Variants in PIBF1 observed in about 807,000 individuals in gnomAD.
PIBF1 encodes progesterone immunomodulatory binding factor 1, also known as progesterone-induced-blocking factor 1.
In PIBF1, 90 loss-of-function variants were observed where a neutral mutation model predicts 112.5. The ratio of observed to expected loss-of-function variants is 0.80; its 90% CI spans 0.67 to 0.95. The LOEUF (loss-of-function observed/expected upper bound fraction) is 0.95, where lower values mean the gene tolerates loss of function less well. Among genes scored for constraint, PIBF1 ranks in the 40% least tolerant of loss-of-function variants. The probability of loss-of-function intolerance (pLI) is 0.00; values close to 1 mark genes in which losing one functional copy is unlikely to be tolerated. For synonymous variants in PIBF1, 301 were observed against 288.6 expected (o/e 1.04, Z -0.44); for missense variants, 915 against 852.3 (o/e 1.07, Z -0.92).
chr13:73,013,257 C>T (rs1316075440), intron 17 of PIBF1, among the ~76,000 whole-genome samples: 5 of 141,496 alleles, frequency 3.5e-5, no homozygotes, highest in African/African-American at 5.3e-5. Flanking sequence ...GCCGAGATCG[C>T]GCCACTGCAC....
At chr13:72,827,995 T>A in intron 8 of PIBF1, 81 bp downstream of exon 8, 1 of 915,020 alleles carries the variant, frequency 1.1e-6, no homozygotes, top group Non-Finnish European at 1.5e-6. Flanking sequence ...TTGGGGAAGA[T>A]TTAGTGATTT....
chr13:72,865,182 C>A (rs1451245064), intron 10 of PIBF1, among the ~76,000 whole-genome samples: 1 of 151,960 alleles, frequency 6.6e-6, no homozygotes, highest in Non-Finnish European at 1.5e-5. Flanking sequence ...TATGATGTAT[C>A]CTAGATAATA....
At position 72,827,066 on chromosome 13, in the gene PIBF1, T is replaced by G; in HGVS notation, c.863T>G (p.Leu288Arg). ...VIELRRKHEI[L>R]EASHMIQTKE... ...GAGCTTAGGAGAAAACATGAAATACTTGAAGCCTCTCACATGATTCAAACA... is the reference window on the plus strand; with the variant it reads ...GAGCTTAGGAGAAAACATGAAATACGTGAAGCCTCTCACATGATTCAAACA... The change falls in exon 7 of 18, where the codon CTT (leucine) becomes CGT (arginine). Residue 288 changes from leucine (L) to arginine (R), a missense_variant. By Grantham distance (102) the Leu-to-Arg change is moderately radical. Coordinates refer to ENST00000326291, the MANE Select transcript of PIBF1 (RefSeq NM_006346.4). The G allele has an allele frequency of 6.2e-7, 1 of 1,606,202 alleles. No homozygotes were observed. Among genetic ancestry groups the G allele is most frequent in the Non-Finnish European group, 8.5e-7 (1 of 1,176,158 alleles).
intron 14 of PIBF1, among the ~76,000 whole-genome samples, chr13:72,960,470 A>C (rs911979976): frequency 6.6e-6 from 1 of 152,222 alleles, no homozygotes; most frequent in African/African-American, 2.4e-5. Flanking sequence ...ATTGAACTAA[A>C]ATAATTGAGA....
intron 14 of PIBF1, among the ~76,000 whole-genome samples, chr13:72,954,418 A>G (rs192395050): frequency 1.3e-5 from 2 of 152,308 alleles, no homozygotes; most frequent in African/African-American, 4.8e-5. Context: ...TCCACTTAAA[A>G]TCATATTGCG....
At chr13:72,989,312 C>G (rs921558642) in intron 16 of PIBF1, among the ~76,000 whole-genome samples, 1 of 151,994 alleles carries the variant, frequency 6.6e-6, no homozygotes, top group African/African-American at 2.4e-5. Context: ...TTCATAGTAA[C>G]CAAAAAGTGG....
At chr13:72,917,219 C>T (rs1316539280) in intron 13 of PIBF1, 53 bp downstream of exon 13, 1 of 1,073,960 alleles carries the variant, frequency 9.3e-7, no homozygotes, top group Non-Finnish European at 1.3e-6. Context: ...AATGTAATTA[C>T]ATTTGTGCTT....
chr13:72,844,385 A>T (rs2037740495), intron 9 of PIBF1, among the ~76,000 whole-genome samples: 1 of 152,150 alleles, frequency 6.6e-6, no homozygotes, highest in South Asian at 2.1e-4. Context: ...ACATGTGCAG[A>T]ACGTGCAGGT....
At chr13:72,841,242 G>A (rs2037595157) in intron 9 of PIBF1, among the ~76,000 whole-genome samples, 1 of 152,204 alleles carries the variant, frequency 6.6e-6, no homozygotes, top group Non-Finnish European at 1.5e-5. Context: ...GGAAATGAGT[G>A]AAAGGTACTA....
chr13:72,865,257 G>A (rs2038875411), intron 10 of PIBF1, among the ~76,000 whole-genome samples: 1 of 151,944 alleles, frequency 6.6e-6, no homozygotes, highest in Non-Finnish European at 1.5e-5. Flanking sequence ...ATACGTATTA[G>A]CTATTTTAAT....
chr13:72,938,960 A>G (rs1289547647), intron 14 of PIBF1, among the ~76,000 whole-genome samples: 2 of 152,302 alleles, frequency 1.3e-5, no homozygotes, highest in South Asian at 2.1e-4. Context: ...GGCCATTTAT[A>G]TATCTTCTTT....
intron 16 of PIBF1, 110 bp from the exon 17 acceptor site, chr13:72,998,712 G>A: frequency 1.5e-6 from 1 of 669,074 alleles, no homozygotes; most frequent in Non-Finnish European, 2.6e-6. Context: ...CACAACTTAT[G>A]TGTGTAGTAT....
intron 14 of PIBF1, among the ~76,000 whole-genome samples, chr13:72,932,407 T>C (rs973619922): frequency 6.6e-6 from 1 of 152,212 alleles, no homozygotes; most frequent in African/African-American, 2.4e-5. Flanking sequence ...ATTAGGAGGA[T>C]CTTTATCCTC....
At chr13:72,909,040 G>A (rs1202504163) in intron 12 of PIBF1, among the ~76,000 whole-genome samples, 4 of 150,076 alleles carry the variant, frequency 2.7e-5, no homozygotes, top group African/African-American at 9.8e-5. Context: ...GAGTAATACT[G>A]TCTCAAAAAA....
intron 5 of PIBF1, among the ~76,000 whole-genome samples, chr13:72,800,367 ACTC>A (rs2035408925): frequency 6.6e-6 from 1 of 152,178 alleles, no homozygotes; most frequent in Non-Finnish European, 1.5e-5. Flanking sequence ...AAATAGTACT[ACTC>A]AATATTCAAA....
At chr13:72,861,834 G>A (rs1056007874) in intron 10 of PIBF1, among the ~76,000 whole-genome samples, 14 of 152,182 alleles carry the variant, frequency 9.2e-5, no homozygotes, top group South Asian at 4.1e-4. Flanking sequence ...TCTTTGAAGC[G>A]AAAAATATGG....
At chr13:72,849,725 A>G (rs886337548) in intron 9 of PIBF1, among the ~76,000 whole-genome samples, 1 of 152,240 alleles carries the variant, frequency 6.6e-6, no homozygotes, top group African/African-American at 2.4e-5. Context: ...TGTGAAGCAA[A>G]GGAAATTTTA....
chr13:72,796,315 G>C (rs1376396505), intron 4 of PIBF1, among the ~76,000 whole-genome samples: 2 of 152,154 alleles, frequency 1.3e-5, no homozygotes, highest in Non-Finnish European at 2.9e-5. Flanking sequence ...AAGGATCTCA[G>C]AGTGGCGAGT....
chr13:72,937,814 C>G (rs890998694), intron 14 of PIBF1, among the ~76,000 whole-genome samples: 1 of 148,416 alleles, frequency 6.7e-6, no homozygotes, highest in African/African-American at 2.5e-5. Flanking sequence ...AACTCCATCT[C>G]AAAAAAAAAT....
Sources: gnomAD v4.1 joint callset for allele counts (sites outside exome capture counted in the v4.1 genomes callset) on GRCh38, gnomAD v4.1.1 for gene constraint, MANE v1.5 for transcripts, NCBI Gene and HGNC (gene_info 2026-07-23, HGNC 2026-07-21) for gene names.